Variants in TULP4 observed in about 807,000 individuals in gnomAD.
TULP4 encodes TUB like protein 4.
A neutral mutation model predicts 129.0 loss-of-function variants in TULP4; 16 were observed. The observed-to-expected ratio is 0.12, with a 90% CI of 0.08 to 0.19. The LOEUF (loss-of-function observed/expected upper bound fraction) is 0.19, where lower values mean the gene tolerates loss of function less well. Ranked by LOEUF, TULP4 falls within the 10% of genes least tolerant of loss-of-function variation. The pLI, the probability that TULP4 is intolerant of heterozygous loss-of-function variation, is 1.00. For missense variants in TULP4, 1,842 were observed against 2,059.1 expected (o/e 0.89, Z 2.04); for synonymous variants, 998 against 854.0 (o/e 1.17, Z -2.94).
intron 1 of TULP4, among the ~76,000 whole-genome samples, chr6:158,384,432 C>T (rs1207074669): frequency 6.6e-6 from 1 of 151,918 alleles, no homozygotes; most frequent in Non-Finnish European, 1.5e-5. Context: ...GGACTACAGG[C>T]ACCCACCACC....
At chr6:158,381,743 A>G (rs1236646633) in intron 1 of TULP4, among the ~76,000 whole-genome samples, 4 of 152,204 alleles carry the variant, frequency 2.6e-5, no homozygotes, top group Non-Finnish European at 5.9e-5. Flanking sequence ...ATTCAGGTGT[A>G]TTTATTCTTC....
intron 1 of TULP4, among the ~76,000 whole-genome samples, chr6:158,407,186 A>G (rs972024754): frequency 6.6e-6 from 1 of 152,264 alleles, no homozygotes; most frequent in Admixed American, 6.5e-5. Flanking sequence ...ACTCAGTAAT[A>G]GTAAAGACTA....
In TULP4 at chr6:158,481,304, C is replaced by G. The variant is rs1779939892; in HGVS notation, c.1486+15C>G. ...TAGCAAACCAGGTGGGCCCCTCACC[C>G]GAGGGACTGGGACCTTGTTCTCCTG... is the stretch of plus-strand genomic sequence containing the variant. On this transcript the variant is annotated intron_variant, in intron 8 of 13. Coordinates refer to ENST00000367097, the MANE Select transcript of TULP4 (RefSeq NM_020245.5). 2 of 1,605,126 alleles carry G rather than the reference C, an allele frequency of 1.2e-6. No homozygotes were observed. Among genetic ancestry groups the G allele is most frequent in the Non-Finnish European group, 1.7e-6 (2 of 1,175,362 alleles).
intron 1 of TULP4, among the ~76,000 whole-genome samples, chr6:158,383,665 G>A (rs1383312065): frequency 6.6e-6 from 1 of 152,210 alleles, no homozygotes; most frequent in African/African-American, 2.4e-5. Flanking sequence ...AGGGATGCAG[G>A]AGAGCGAGTC....
chr6:158,252,535 C>T (rs1778163384), intron 1 of TULP4, among the ~76,000 whole-genome samples: 1 of 151,996 alleles, frequency 6.6e-6, no homozygotes, highest in Admixed American at 6.6e-5. Context: ...ACCACCATGC[C>T]CAGCTACTTT....
At chr6:158,381,271 C>T (rs979506179) in intron 1 of TULP4, among the ~76,000 whole-genome samples, 4 of 151,766 alleles carry the variant, frequency 2.6e-5, no homozygotes, top group African/African-American at 7.3e-5. Context: ...ATCATCTGAG[C>T]GTCTGTTCTT....
intron 1 of TULP4, among the ~76,000 whole-genome samples, chr6:158,291,279 G>C (rs1562507768): frequency 6.6e-6 from 1 of 152,142 alleles, no homozygotes; most frequent in Non-Finnish European, 1.5e-5. Flanking sequence ...TTTTGAAATG[G>C]TCTTCTTATT....
At chr6:158,368,425 C>T (rs1776993128) in intron 1 of TULP4, among the ~76,000 whole-genome samples, 1 of 152,150 alleles carries the variant, frequency 6.6e-6, no homozygotes, top group South Asian at 2.1e-4. Context: ...GCCTCAGCCT[C>T]CCAAGTAGCT....
intron 11 of TULP4, among the ~76,000 whole-genome samples, chr6:158,495,530 A>C (rs1459323367): frequency 6.6e-6 from 1 of 152,224 alleles, no homozygotes; most frequent in Non-Finnish European, 1.5e-5. Flanking sequence ...AGTGGAGAAG[A>C]AAGCATTAGA....
chr6:158,361,508 A>C (rs1303275908), intron 1 of TULP4, among the ~76,000 whole-genome samples: 1 of 152,202 alleles, frequency 6.6e-6, no homozygotes, highest in East Asian at 1.9e-4. Flanking sequence ...CTGACTTTTT[A>C]TGACGTTTTT....
intron 1 of TULP4, among the ~76,000 whole-genome samples, chr6:158,241,246 G>T (rs1400019691): frequency 8.2e-6 from 1 of 122,258 alleles, no homozygotes; most frequent in Non-Finnish European, 1.8e-5. Flanking sequence ...GGGCGGAGAC[G>T]CTCCTCACTT....
At chr6:158,283,444 C>T (rs760937108) in intron 1 of TULP4, among the ~76,000 whole-genome samples, 6 of 152,160 alleles carry the variant, frequency 3.9e-5, no homozygotes, top group South Asian at 4.1e-4. Context: ...AAGGTTTTGG[C>T]TTGTGCTCTG....
At chr6:158,422,517 A>C (rs1319171460) in intron 2 of TULP4, among the ~76,000 whole-genome samples, 1 of 152,204 alleles carries the variant, frequency 6.6e-6, no homozygotes, top group African/African-American at 2.4e-5. Context: ...CAGGGTTCTT[A>C]ATTCTCAGGC....
chr6:158,462,514 C>A (rs1779454159), intron 6 of TULP4, among the ~76,000 whole-genome samples: 1 of 151,344 alleles, frequency 6.6e-6, no homozygotes, highest in Non-Finnish European at 1.5e-5. Context: ...GCTGGGACTA[C>A]AGGTGTCTGC....
intron 1 of TULP4, among the ~76,000 whole-genome samples, chr6:158,265,416 G>A (rs1299995727): frequency 6.6e-6 from 1 of 151,996 alleles, no homozygotes; most frequent in African/African-American, 2.4e-5. Flanking sequence ...GTGGGGTGGC[G>A]CACCCCTGTA....
intron 3 of TULP4, among the ~76,000 whole-genome samples, chr6:158,445,266 C>T (rs996178871): frequency 6.6e-6 from 1 of 152,114 alleles, no homozygotes; most frequent in Non-Finnish European, 1.5e-5. Flanking sequence ...GGAGCATTGG[C>T]CCTGCCCATA....
At chr6:158,240,815 C>T (rs1426224421) in intron 1 of TULP4, among the ~76,000 whole-genome samples, 1 of 149,308 alleles carries the variant, frequency 6.7e-6, no homozygotes, top group Non-Finnish European at 1.5e-5. Context: ...CCACCTCCCT[C>T]CCGGATGGCA....
At chr6:158,363,170 A>C (rs1317563495) in intron 1 of TULP4, among the ~76,000 whole-genome samples, 2 of 151,650 alleles carry the variant, frequency 1.3e-5, no homozygotes, top group Non-Finnish European at 2.9e-5. Context: ...CTGTTCTATC[A>C]CATAAAAAAC....
chr6:158,446,098 T>G (rs1476338429), intron 3 of TULP4, among the ~76,000 whole-genome samples: 2 of 152,228 alleles, frequency 1.3e-5, no homozygotes, highest in Non-Finnish European at 2.9e-5. Flanking sequence ...TATTAGGCTC[T>G]CAATCTTGTT....
Sources: gnomAD v4.1 joint callset for allele counts (sites outside exome capture counted in the v4.1 genomes callset) on GRCh38, gnomAD v4.1.1 for gene constraint, MANE v1.5 for transcripts, NCBI Gene and HGNC (gene_info 2026-07-23, HGNC 2026-07-21) for gene names.